TC2N: variants seen among roughly 807,000 people sequenced by gnomAD.
The protein encoded by TC2N is tandem C2 domains nuclear protein.
In TC2N, 51 loss-of-function variants were observed where a neutral mutation model predicts 61.9. The observed-to-expected ratio is 0.82, with a 90% CI of 0.66 to 1.04. The LOEUF (loss-of-function observed/expected upper bound fraction) is 1.04. Among genes scored for constraint, TC2N ranks in the 50% least tolerant of loss-of-function variants. The pLI, the probability that TC2N is intolerant of heterozygous loss-of-function variation, is 0.00. For missense variants in TC2N, 556 were observed against 566.7 expected, an observed-to-expected ratio of 0.98 and a Z score of 0.19; for synonymous variants, 204 against 192.6, an observed-to-expected ratio of 1.06 and a Z score of -0.49.
At chr14:91,831,236 C>A (rs1260325349) in intron 1 of TC2N, among the ~76,000 whole-genome samples, 3 of 152,036 alleles carry the variant, frequency 2.0e-5, no homozygotes, top group African/African-American at 7.3e-5. Flanking sequence ...TCCCAAAATG[C>A]AAATCCTATA....
chr14:91,862,201 G>A (rs995041616), intron 1 of TC2N, among the ~76,000 whole-genome samples: 6 of 151,550 alleles, frequency 4.0e-5, no homozygotes, highest in African/African-American at 1.2e-4. Context: ...TCAGCCAGGC[G>A]TGGTGGCGGG....
intron 1 of TC2N, among the ~76,000 whole-genome samples, chr14:91,840,128 T>C (rs1254517929): frequency 6.6e-6 from 1 of 152,222 alleles, no homozygotes; most frequent in Non-Finnish European, 1.5e-5. Flanking sequence ...TACGACAAGA[T>C]GGGAGAAATG....
At chr14:91,816,801 C>T (rs1417606543) in intron 1 of TC2N, among the ~76,000 whole-genome samples, 2 of 151,892 alleles carry the variant, frequency 1.3e-5, no homozygotes, top group Non-Finnish European at 2.9e-5. Context: ...TTACAGGATG[C>T]TCCCTTTAGT....
chr14:91,852,948 G>A (rs35102492), intron 1 of TC2N, among the ~76,000 whole-genome samples: 74,090 of 151,728 alleles, frequency 0.49, 18,392 homozygotes, highest in African/African-American at 0.57. Flanking sequence ...GTGGGTGCCT[G>A]TAATCCCAGC....
In TC2N at chr14:91,812,361, G is replaced by T. The variant is rs185985333; in HGVS notation, c.252C>A (p.Tyr84Ter). 3.1e-6 allele frequency: 5 copies of T among 1,612,466 alleles called. No homozygotes were observed. The African/African-American group carries it at 6.7e-5, about 22-fold the overall frequency. The change falls in exon 3 of 12, where the codon TAC (tyrosine) becomes TAA (stop). Residue 84 changes from tyrosine (Y) to a stop codon, truncating the protein, a stop_gained. Transcript: ENST00000435962. LOFTEE classifies it high-confidence loss of function. ...PFVVPKFKLSYIQPRTQETPS... is the reference protein window; with the variant it reads ...PFVVPKFKLS ...GAGTTTCTTGTGTCCTGGGTTGAAT[G>T]TAAGATAACTTAAACTTGGGCACCA...
At position 91,812,390 on chromosome 14, in the gene TC2N, A is replaced by G. The variant is rs776802434; in HGVS notation, c.223T>C (p.Phe75Leu). ...KLPSDGKEVPFVVPKFKLSYI... is the reference protein window; with the variant it reads ...KLPSDGKEVPLVVPKFKLSYI... ...GATAACTTAAACTTGGGCACCACAAATGGTACTTCTTTGCCATCAGATGGT... is the reference window on the plus strand; with the variant it reads ...GATAACTTAAACTTGGGCACCACAAGTGGTACTTCTTTGCCATCAGATGGT... The change falls in exon 3 of 12, where the codon TTT becomes CTT. Residue 75 changes from phenylalanine (F) to leucine (L), a missense_variant. Coordinates refer to ENST00000435962, the MANE Select transcript of TC2N (RefSeq NM_001128596.3). 1.9e-6 allele frequency: 3 copies of G among 1,612,752 alleles called. No homozygotes were observed. Among genetic ancestry groups the G allele is most frequent in the East Asian group, 4.5e-5 (2 of 44,806 alleles).
intron 1 of TC2N, among the ~76,000 whole-genome samples, chr14:91,816,309 T>C (rs1418314113): frequency 6.6e-6 from 1 of 151,822 alleles, no homozygotes; most frequent in Non-Finnish European, 1.5e-5. Flanking sequence ...TACCATGGAC[T>C]TTTGCCAGTG....
chr14:91,843,091 G>A (rs1305211529), intron 1 of TC2N, among the ~76,000 whole-genome samples: 1 of 152,102 alleles, frequency 6.6e-6, no homozygotes, highest in East Asian at 1.9e-4. Context: ...TTCTACCAAT[G>A]CTAGAAGACT....
Position 91,800,306 on chromosome 14 carries a change from G to C in TC2N, c.536C>G (p.Thr179Arg). The part of the protein sequence containing the change: ...PGLSKSMFDL[T>R]NSSQRFIQRH... ...CTGGATGAATCGCTGAGATGAGTTT[G>C]TAAGATCAAACATAGATTTGCTTAG... Residue 179 changes from threonine (T) to arginine (R), a missense_variant, in exon 5 of 12, where the codon ACA becomes AGA. Transcript: ENST00000435962. The C allele has an allele frequency of 6.2e-7, 1 of 1,602,530 alleles. No homozygotes were observed. The highest frequency in any genetic ancestry group is 8.5e-7 in the Non-Finnish European group (1 of 1,173,706).
chr14:91,789,182 A>G (rs1038517141), intron 9 of TC2N, among the ~76,000 whole-genome samples: 6 of 152,174 alleles, frequency 3.9e-5, no homozygotes, highest in African/African-American at 1.4e-4. Flanking sequence ...TGTAGAGTTC[A>G]CTCTCATAAA....
At chr14:91,788,997 T>G (rs528207224) in intron 9 of TC2N, among the ~76,000 whole-genome samples, 1 of 152,106 alleles carries the variant, frequency 6.6e-6, no homozygotes, top group African/African-American at 2.4e-5. Context: ...AAAAAATTGC[T>G]GTCCTTGGCA....
At chr14:91,822,635 T>C (rs1332750878) in intron 1 of TC2N, among the ~76,000 whole-genome samples, 2 of 150,598 alleles carry the variant, frequency 1.3e-5, no homozygotes, top group African/African-American at 4.9e-5. Flanking sequence ...AGTGGGGAGA[T>C]GAAGCACAGA....
Position 91,783,695 on chromosome 14 carries a change from T to A in TC2N, c.1363-485A>T, listed in dbSNP as rs920296714. Among the ~76,000 whole-genome samples, 3 of 152,124 alleles carry A rather than the reference T, an allele frequency of 2.0e-5. No homozygotes were observed. The South Asian group carries it at 6.2e-4, about 31-fold the overall frequency. On this transcript the variant is annotated intron_variant, in intron 11 of 11. Transcript: ENST00000435962. ...AATAGTCATTCTTGATCAATAGTAA[T>A]TTCATAGTACCCATCACTTATGTAA... is the stretch of plus-strand genomic sequence containing the variant.
In TC2N at chr14:91,822,196, A is replaced by G. The variant is rs149331432; in HGVS notation, c.-56-8371T>C. Among the ~76,000 whole-genome samples the G allele has an allele frequency of 2.9e-3, 448 of 152,332 alleles. 3 individuals carry two copies. Among genetic ancestry groups the G allele is most frequent in the Non-Finnish European group, 3.3e-3 (227 of 68,016 alleles). On this transcript the variant is annotated intron_variant, in intron 1 of 11. Transcript: ENST00000435962. ...CACATGTTTACACAAAGAGTTGTACACTGGTGTTCATAGCAAATCTATTCA... is the reference window on the plus strand; with the variant it reads ...CACATGTTTACACAAAGAGTTGTACGCTGGTGTTCATAGCAAATCTATTCA...
chr14:91,845,096 C>T (rs1042242334), intron 1 of TC2N, among the ~76,000 whole-genome samples: 36 of 151,514 alleles, frequency 2.4e-4, no homozygotes, highest in Non-Finnish European at 4.1e-4. Context: ...GGTGACGTGG[C>T]GCACACCTGT....
intron 1 of TC2N, among the ~76,000 whole-genome samples, chr14:91,820,338 G>C (rs1420247129): frequency 1.3e-5 from 2 of 151,958 alleles, no homozygotes; most frequent in African/African-American, 4.8e-5. Context: ...ATCAATTCAT[G>C]TAATGCATCA....
At chr14:91,857,215 A>G (rs1302226059) in intron 1 of TC2N, among the ~76,000 whole-genome samples, 1 of 152,214 alleles carries the variant, frequency 6.6e-6, no homozygotes, top group Non-Finnish European at 1.5e-5. Flanking sequence ...TCTCAACAAA[A>G]TATAATTAAA....
chr14:91,783,426 T>C (rs1405790628), intron 11 of TC2N, among the ~76,000 whole-genome samples: 1 of 152,086 alleles, frequency 6.6e-6, no homozygotes, highest in African/African-American at 2.4e-5. Context: ...AAGACTAGTT[T>C]ATAAGGTTCA....
At chr14:91,846,073 T>C (rs1888265285) in intron 1 of TC2N, among the ~76,000 whole-genome samples, 1 of 152,216 alleles carries the variant, frequency 6.6e-6, no homozygotes, top group Admixed American at 6.5e-5. Context: ...TCAAGGGATC[T>C]GCTGCTGCAC....
Sources: allele counts gnomAD v4.1 joint callset (sites outside exome capture counted in the v4.1 genomes callset), GRCh38; gene constraint gnomAD v4.1.1; transcripts MANE v1.5; gene names NCBI Gene and HGNC (gene_info 2026-07-23, HGNC 2026-07-21).